The following SNTB1 variants were observed in gnomAD, a reference collection of about 807,000 sequenced individuals.
SNTB1 encodes the protein beta-1-syntrophin.
SNTB1 carries 36 observed loss-of-function variants against 48.9 expected under a neutral mutation model. The observed-to-expected ratio is 0.74, with a 90% CI of 0.56 to 0.97. SNTB1 has a LOEUF of 0.97. Ranked by LOEUF, SNTB1 falls within the 50% of genes least tolerant of loss-of-function variation. The pLI is 0.00. For missense variants in SNTB1, 786 were observed against 703.4 expected (o/e 1.12, Z -1.33); for synonymous variants, 299 against 294.6 (o/e 1.01, Z -0.15).
intron 1 of SNTB1, among the ~76,000 whole-genome samples, chr8:120,785,214 G>C (rs1413220198): frequency 1.3e-5 from 2 of 152,212 alleles, no homozygotes; most frequent in East Asian, 3.9e-4. Flanking sequence ...GAACCATTGA[G>C]AGAGCAGGAA....
chr8:120,559,287 T>C (rs1379276380), intron 4 of SNTB1, among the ~76,000 whole-genome samples: 3 of 152,184 alleles, frequency 2.0e-5, no homozygotes, highest in African/African-American at 7.2e-5. Context: ...TTTAGGGAGG[T>C]AGAGTTACCT....
At chr8:120,550,561 A>AG (rs1554644310) in intron 4 of SNTB1, among the ~76,000 whole-genome samples, 1,593 of 149,908 alleles carry the variant, frequency 0.011, 35 homozygotes, top group African/African-American at 0.038. Context: ...AAAAAAAAAA[A>AG]AGAGAGATAT....
chr8:120,767,849 C>T (rs929113182), intron 1 of SNTB1, among the ~76,000 whole-genome samples: 4 of 152,160 alleles, frequency 2.6e-5, no homozygotes, highest in African/African-American at 7.2e-5. Flanking sequence ...GCCATGTATA[C>T]CTTTCTGCAC....
chr8:120,695,625 C>A (rs1469507287), intron 1 of SNTB1, among the ~76,000 whole-genome samples: 6 of 151,766 alleles, frequency 4.0e-5, no homozygotes, highest in Admixed American at 1.3e-4. Context: ...TTGGAAGAAC[C>A]CATTAAAAAA....
intron 4 of SNTB1, among the ~76,000 whole-genome samples, chr8:120,565,099 TCTG>T (rs1449220391): frequency 6.6e-6 from 1 of 151,520 alleles, no homozygotes; most frequent in Non-Finnish European, 1.5e-5. Context: ...TTTTTTAGTT[TCTG>T]CTAACAGGAT....
intron 1 of SNTB1, among the ~76,000 whole-genome samples, chr8:120,732,257 A>G (rs1818865629): frequency 6.6e-6 from 1 of 152,182 alleles, no homozygotes; most frequent in Non-Finnish European, 1.5e-5. Context: ...TTTCTGCAAT[A>G]TTGAACAACC....
chr8:120,679,988 T>A (rs1478718097), intron 2 of SNTB1, among the ~76,000 whole-genome samples: 1 of 152,196 alleles, frequency 6.6e-6, no homozygotes, highest in African/African-American at 2.4e-5. Flanking sequence ...AACTATATTT[T>A]TTCTTGCCTT....
intron 1 of SNTB1, among the ~76,000 whole-genome samples, chr8:120,716,280 C>T (rs1436343068): frequency 1.3e-5 from 2 of 152,180 alleles, no homozygotes; most frequent in African/African-American, 4.8e-5. Context: ...TTATTATTAT[C>T]ATGATTATTG....
At chr8:120,696,939 G>A (rs1395960202) in intron 1 of SNTB1, among the ~76,000 whole-genome samples, 2 of 152,212 alleles carry the variant, frequency 1.3e-5, no homozygotes, top group Non-Finnish European at 2.9e-5. Flanking sequence ...TGATCTGTGA[G>A]TGAGAGAGTG....
chr8:120,593,739 T>C (rs1462801009), intron 3 of SNTB1, among the ~76,000 whole-genome samples: 1 of 152,168 alleles, frequency 6.6e-6, no homozygotes, highest in Non-Finnish European at 1.5e-5. Flanking sequence ...AGAAAATTGT[T>C]TGGGGAGATG....
At chr8:120,800,744 C>CAA (rs1264837072) in intron 1 of SNTB1, among the ~76,000 whole-genome samples, 6 of 151,886 alleles carry the variant, frequency 4.0e-5, no homozygotes, top group Non-Finnish European at 1.5e-5. Context: ...AAAAACTAAG[C>CAA]AAACAGGAAA....
intron 3 of SNTB1, among the ~76,000 whole-genome samples, chr8:120,619,707 T>C (rs904127603): frequency 6.6e-6 from 1 of 152,180 alleles, no homozygotes. Flanking sequence ...TTTTACTCTG[T>C]GTGACCTTGA....
At chr8:120,703,272 G>A (rs932664581) in intron 1 of SNTB1, among the ~76,000 whole-genome samples, 13 of 152,140 alleles carry the variant, frequency 8.5e-5, no homozygotes, top group Non-Finnish European at 1.5e-4. Context: ...TTATAGGTGC[G>A]CAGCACCACA....
rs1357215622 is a variant in SNTB1 at position 120,536,875 on chromosome 8, A to G, written c.*2002T>C. The G allele has an allele frequency of 6.6e-6, 1 of 151,982 alleles. No individual in the cohort carries two copies. Among genetic ancestry groups the G allele is most frequent in the African/African-American group, 2.4e-5 (1 of 41,434 alleles). The allele number at this position is 151,982 out of a possible 1,614,324, so 9.4% of individuals were successfully genotyped here. The stretch of plus-strand genomic sequence containing the variant: ...GCAGTTAACTCATACTTCATGTAGA[A>G]CCGAGCACCTTAGATTACATATTGT... On this transcript the variant is annotated 3_prime_UTR_variant, in exon 7 of 7. Transcript: ENST00000517992.
chr8:120,759,706 C>T (rs1192241331), intron 1 of SNTB1, among the ~76,000 whole-genome samples: 1 of 152,194 alleles, frequency 6.6e-6, no homozygotes, highest in African/African-American at 2.4e-5. Flanking sequence ...GCTCCAATGA[C>T]TTCCTGTGGC....
chr8:120,704,170 G>A (rs1479667415), intron 1 of SNTB1, among the ~76,000 whole-genome samples: 1 of 152,196 alleles, frequency 6.6e-6, no homozygotes, highest in Non-Finnish European at 1.5e-5. Context: ...ACATCTTTTG[G>A]CTGAGCATGG....
intron 3 of SNTB1, among the ~76,000 whole-genome samples, chr8:120,610,325 C>G (rs554568115): frequency 6.6e-6 from 1 of 152,036 alleles, no homozygotes; most frequent in South Asian, 2.1e-4. Flanking sequence ...TTAGAAGAGA[C>G]GGGGTTTCAC....
chr8:120,692,718 G>C (rs1818149345), intron 2 of SNTB1, among the ~76,000 whole-genome samples: 1 of 152,024 alleles, frequency 6.6e-6, no homozygotes, highest in Non-Finnish European at 1.5e-5. Flanking sequence ...GATGCTTAAA[G>C]TAGAAAATAG....
In SNTB1 at chr8:120,652,182, T is replaced by C. The variant is rs117579913; in HGVS notation, c.789-19531A>G. Among the ~76,000 whole-genome samples the C allele has an allele frequency of 9.5e-4, 145 of 152,370 alleles. 1 individual carries two copies. The East Asian group carries it at 0.024, about 25-fold the overall frequency. ...AGCTGTCATTTGTGAACTATGCTTCTTATGGATATCTGTTGTTTGTCTGCC... is the reference window on the plus strand; with the variant it reads ...AGCTGTCATTTGTGAACTATGCTTCCTATGGATATCTGTTGTTTGTCTGCC... On this transcript the variant is annotated intron_variant, in intron 2 of 6. Coordinates refer to ENST00000517992, the MANE Select transcript of SNTB1 (RefSeq NM_021021.4).
Sources: gnomAD v4.1 joint callset for allele counts (sites outside exome capture counted in the v4.1 genomes callset) on GRCh38, gnomAD v4.1.1 for gene constraint, MANE v1.5 for transcripts, NCBI Gene and HGNC (gene_info 2026-07-23, HGNC 2026-07-21) for gene names.